The following RNF24 variants were observed in gnomAD, a reference collection of about 807,000 sequenced individuals.
RNF24 encodes the protein ring finger protein 24.
RNF24 carries 14 observed loss-of-function variants against 20.0 expected under a neutral mutation model. That is an observed-to-expected ratio of 0.70 (90% CI 0.46 to 1.10). The LOEUF is 1.10. Among genes scored for constraint, RNF24 ranks in the 50% least tolerant of loss-of-function variants. The probability of loss-of-function intolerance (pLI) is 0.00; values close to 1 mark genes in which losing one functional copy is unlikely to be tolerated. For synonymous variants in RNF24, 45 were observed against 61.1 expected, an observed-to-expected ratio of 0.74 and a Z score of 1.23; for missense variants, 124 against 177.6, an observed-to-expected ratio of 0.70 and a Z score of 1.71.
chr20:3,938,411 T>C (rs1010524302), intron 4 of RNF24, among the ~76,000 whole-genome samples: 1 of 152,134 alleles, frequency 6.6e-6, no homozygotes, highest in African/African-American at 2.4e-5. Flanking sequence ...GCACTACACA[T>C]TCATAGACAC....
Position 3,941,474 on chromosome 20 carries a change from TA to T in RNF24, c.228+3702del, listed in dbSNP as rs1322738820. ...ATTTGGTAATCCCTAGAGCAACCAC[TA>T]AAAAACTATACAAAGACATAAAGTA... On this transcript the variant is annotated intron_variant, in intron 4 of 5. Transcript: ENST00000358395. Among the ~76,000 whole-genome samples the T allele has an allele frequency of 2.0e-5, 3 of 151,800 alleles. No individual in the cohort carries two copies. In the East Asian group the frequency reaches 5.8e-4, roughly 29 times the overall value.
rs2090867187 is a variant in RNF24 at position 3,934,555 on chromosome 20, A to G, written c.309-354T>C. Among the ~76,000 whole-genome samples the G allele has an allele frequency of 6.6e-6, 1 of 152,252 alleles. No individual in the cohort carries two copies. Among genetic ancestry groups the G allele is most frequent in the African/African-American group, 2.4e-5 (1 of 41,462 alleles). On this transcript the variant is annotated intron_variant, in intron 5 of 5. Transcript: ENST00000358395. This position sits in a 1 kb window ranked among gnomAD's most constrained non-coding sequence, Gnocchi z 4.0. ...GAAAATAAATTTTTCTAACAGAAATACAAAACAAAAAATTATAAGAGGAAG... is the reference window on the plus strand; with the variant it reads ...GAAAATAAATTTTTCTAACAGAAATGCAAAACAAAAAATTATAAGAGGAAG...
At chr20:3,991,927 TACACACACAC>T (rs1408910483) in intron 1 of RNF24, among the ~76,000 whole-genome samples, 1 of 149,662 alleles carries the variant, frequency 6.7e-6, no homozygotes, top group Admixed American at 6.7e-5. Context: ...TGTGGCTATA[TACACACACAC>T]ACGCACACAC....
intron 1 of RNF24, among the ~76,000 whole-genome samples, chr20:3,965,634 G>A (rs957018086): frequency 2.0e-5 from 3 of 152,322 alleles, no homozygotes; most frequent in African/African-American, 4.8e-5. Flanking sequence ...GTTAAGGAGT[G>A]CTTTACCAAA....
rs1197613097 is a variant in RNF24 at position 3,933,186 on chromosome 20, A to G, written c.*877T>C. On this transcript the variant is annotated 3_prime_UTR_variant, in exon 6 of 6. Coordinates refer to ENST00000358395, the MANE Select transcript of RNF24 (RefSeq NM_001134337.3). The stretch of plus-strand genomic sequence containing the variant: ...CCCTTCATCCAGCCGGGCCAGAAGT[A>G]TGGGCCATTCTCAAAAAGCCACTGC... 2.6e-6 allele frequency: 1 copy of G among 390,450 alleles called. No individual in the cohort carries two copies. The allele number at this position is 390,450 out of a possible 1,614,324, so 24.2% of individuals were successfully genotyped here. A position where few individuals can be genotyped will look rare whatever the true frequency, so the allele number is the denominator to read the frequency against.
intron 2 of RNF24, among the ~76,000 whole-genome samples, 173 bp downstream of exon 2, chr20:3,963,702 T>C (rs2091227390): frequency 6.6e-6 from 1 of 152,196 alleles, no homozygotes; most frequent in Admixed American, 6.5e-5. Flanking sequence ...AGATTGAAGA[T>C]CATATAAAGG....
At position 3,934,395 on chromosome 20, in the gene RNF24, A is replaced by G. The variant is rs1050184304; in HGVS notation, c.309-194T>C. Among the ~76,000 whole-genome samples the G allele has an allele frequency of 2.6e-5, 4 of 152,194 alleles. No individual in the cohort carries two copies. The highest frequency in any genetic ancestry group is 5.9e-5 in the Non-Finnish European group (4 of 68,024). On this transcript the variant is annotated intron_variant, in intron 5 of 5. Coordinates refer to ENST00000358395, the MANE Select transcript of RNF24 (RefSeq NM_001134337.3). This position sits in a 1 kb window ranked among gnomAD's most constrained non-coding sequence, Gnocchi z 4.0. Reference sequence around the variant, plus strand: ...AGAGAGAAGGAGTGGGGAGAGGCCAAGGGGTCAGCAATCCCCTCTTCCTTC... The same window carrying G: ...AGAGAGAAGGAGTGGGGAGAGGCCAGGGGGTCAGCAATCCCCTCTTCCTTC...
At position 3,986,167 on chromosome 20, in the gene RNF24, T is replaced by G. The variant is rs375788550; in HGVS notation, c.-7-22143A>C. Among the ~76,000 whole-genome samples the G allele has an allele frequency of 2.0e-5, 3 of 152,222 alleles. No homozygotes were observed. The South Asian group carries it at 6.2e-4, about 32-fold the overall frequency. On this transcript the variant is annotated intron_variant, in intron 1 of 5. Transcript: ENST00000358395. ...AAGAATTTGACGTCTCATGTTCCCT[T>G]TGTTTTTTAACTGTTCTTTTCACAG... is the stretch of plus-strand genomic sequence containing the variant.
intron 1 of RNF24, among the ~76,000 whole-genome samples, chr20:3,989,407 C>A (rs1286086348): frequency 6.6e-6 from 1 of 151,674 alleles, no homozygotes; most frequent in Admixed American, 6.6e-5. Flanking sequence ...AGGAGAATGG[C>A]GTGAACCCTG....
Position 3,945,715 on chromosome 20 carries a change from CA to C in RNF24, c.187-498del, listed in dbSNP as rs11481275. ...GGGCAACAAGAGCGAAACTCCGTCT[CA>C]AAAAAAAAAAAAAAAAGTAAGTCAA... On this transcript the variant is annotated intron_variant, in intron 3 of 5. Transcript: ENST00000358395. Among the ~76,000 whole-genome samples, 928 of 115,460 alleles carry C rather than the reference CA, an allele frequency of 8.0e-3. 11 individuals are homozygous for C. Among genetic ancestry groups the C allele is most frequent in the Admixed American group, 0.042 (447 of 10,626 alleles). The allele number at this position is 115,460 out of a possible 152,430, so 75.7% of individuals were successfully genotyped here.
At chr20:3,989,871 C>T (rs1206586775) in intron 1 of RNF24, among the ~76,000 whole-genome samples, 1 of 152,090 alleles carries the variant, frequency 6.6e-6, no homozygotes, top group Non-Finnish European at 1.5e-5. Flanking sequence ...TGAACATGTA[C>T]CAAAAGGAAG....
intron 1 of RNF24, among the ~76,000 whole-genome samples, chr20:3,989,033 A>G (rs971760940): frequency 3.3e-5 from 5 of 152,186 alleles, no homozygotes; most frequent in African/African-American, 4.8e-5. Flanking sequence ...AAGACGCTAA[A>G]TATTATAAAG....
At chr20:3,960,896 C>T (rs778746288) in intron 2 of RNF24, among the ~76,000 whole-genome samples, 2 of 151,896 alleles carry the variant, frequency 1.3e-5, no homozygotes, top group Admixed American at 6.6e-5. Context: ...AGGGTTCAAG[C>T]GATTCTCATG....
chr20:3,985,003 C>T (rs1979758413), intron 1 of RNF24, among the ~76,000 whole-genome samples: 1 of 152,096 alleles, frequency 6.6e-6, no homozygotes, highest in Non-Finnish European at 1.5e-5. Flanking sequence ...CTCCGATTTA[C>T]ACTCCTTCCC....
At chr20:3,961,564 G>T (rs934645963) in intron 2 of RNF24, among the ~76,000 whole-genome samples, 4 of 152,036 alleles carry the variant, frequency 2.6e-5, no homozygotes, top group Non-Finnish European at 5.9e-5. Context: ...TGGTACATTA[G>T]TGGGTTTTTG....
intron 3 of RNF24, among the ~76,000 whole-genome samples, chr20:3,947,462 A>G (rs985992430): frequency 6.6e-6 from 1 of 152,230 alleles, no homozygotes; most frequent in African/African-American, 2.4e-5. Flanking sequence ...ATTGACAGCT[A>G]TGATCCAAGT....
At chr20:3,954,915 A>C (rs532934151) in intron 2 of RNF24, among the ~76,000 whole-genome samples, 2 of 151,766 alleles carry the variant, frequency 1.3e-5, no homozygotes, top group African/African-American at 2.4e-5. Context: ...AAAAAAAAAG[A>C]ATTTGTTTGA....
At chr20:4,007,907 ACTCT>A (rs1202558147) in intron 1 of RNF24, among the ~76,000 whole-genome samples, 1 of 151,470 alleles carries the variant, frequency 6.6e-6, no homozygotes, top group Non-Finnish European at 1.5e-5. Context: ...ACAGAACAAG[ACTCT>A]CTCTCTTAAA....
At chr20:3,969,459 A>T (rs1754309501) in intron 1 of RNF24, among the ~76,000 whole-genome samples, 1 of 151,628 alleles carries the variant, frequency 6.6e-6, no homozygotes, top group South Asian at 2.1e-4. Flanking sequence ...TATATCCCAG[A>T]CTTAGAGCTG....
Sources: gnomAD v4.1 joint callset for allele counts (sites outside exome capture counted in the v4.1 genomes callset) on GRCh38, gnomAD v4.1.1 for gene constraint, Gnocchi (gnomAD v3.1) non-coding constraint, MANE v1.5 for transcripts, NCBI Gene and HGNC (gene_info 2026-07-23, HGNC 2026-07-21) for gene names.